L3MBTL4: variants seen among roughly 807,000 people sequenced by gnomAD.
L3MBTL4 encodes L3MBTL histone methyl-lysine binding protein 4, also known as lethal(3)malignant brain tumor-like protein 4.
Under a neutral mutation model 84.5 loss-of-function variants are expected in L3MBTL4, and 70 were observed. That is an observed-to-expected ratio of 0.83 (90% CI 0.68 to 1.01). L3MBTL4 has a LOEUF of 1.01. Ranked by LOEUF, L3MBTL4 falls within the 50% of genes least tolerant of loss-of-function variation. The pLI is 0.00. For synonymous variants in L3MBTL4, 274 were observed against 259.8 expected (o/e 1.05, Z -0.52); for missense variants, 715 against 754.8 (o/e 0.95, Z 0.62).
At chr18:6,102,822 CATTAAGAGAT>C (rs2058876374) in intron 14 of L3MBTL4, among the ~76,000 whole-genome samples, 1 of 152,156 alleles carries the variant, frequency 6.6e-6, no homozygotes, top group South Asian at 2.1e-4. Context: ...AATTGGTATG[CATTAAGAGAT>C]ACCCTTTAAT....
intron 14 of L3MBTL4, among the ~76,000 whole-genome samples, chr18:6,104,330 G>A (rs1452815419): frequency 6.6e-6 from 1 of 152,130 alleles, no homozygotes; most frequent in East Asian, 1.9e-4. Flanking sequence ...AATCTAAATG[G>A]CCATTGATGC....
chr18:6,411,804 C>T (rs1298895790), intron 1 of L3MBTL4, among the ~76,000 whole-genome samples: 1 of 152,216 alleles, frequency 6.6e-6, no homozygotes, highest in Non-Finnish European at 1.5e-5. Flanking sequence ...TCTCTCTCCA[C>T]TGAAAAGCCA....
chr18:6,200,070 G>A (rs1417461968), intron 12 of L3MBTL4, among the ~76,000 whole-genome samples: 1 of 152,176 alleles, frequency 6.6e-6, no homozygotes, highest in Non-Finnish European at 1.5e-5. Context: ...TGGTAAAGAA[G>A]AGGGGTTAAG....
intron 1 of L3MBTL4, among the ~76,000 whole-genome samples, chr18:6,364,573 T>C (rs1037453118): frequency 2.0e-5 from 3 of 152,122 alleles, no homozygotes; most frequent in Non-Finnish European, 4.4e-5. Context: ...ACTGGTAACA[T>C]TTCTTTTTAC....
intron 4 of L3MBTL4, among the ~76,000 whole-genome samples, chr18:6,277,379 A>C (rs1327924354): frequency 6.6e-6 from 1 of 152,200 alleles, no homozygotes; most frequent in Non-Finnish European, 1.5e-5. Context: ...AAGCATAACC[A>C]ATTAAATAAA....
intron 15 of L3MBTL4, among the ~76,000 whole-genome samples, chr18:6,084,333 A>G (rs2058184551): frequency 6.6e-6 from 1 of 152,202 alleles, no homozygotes; most frequent in South Asian, 2.1e-4. Context: ...TAGTTGTAGC[A>G]GAGACCTTTA....
At chr18:6,052,908 A>G (rs1269847168) in intron 16 of L3MBTL4, among the ~76,000 whole-genome samples, 1 of 152,238 alleles carries the variant, frequency 6.6e-6, no homozygotes, top group Non-Finnish European at 1.5e-5. Flanking sequence ...TCCCTAAACT[A>G]CAGTGCACAC....
At chr18:6,271,365 T>C (rs1008713451) in intron 4 of L3MBTL4, among the ~76,000 whole-genome samples, 1 of 152,162 alleles carries the variant, frequency 6.6e-6, no homozygotes, top group African/African-American at 2.4e-5. Flanking sequence ...ACACAATTTA[T>C]AAGTTGTCAA....
At chr18:6,398,058 C>T (rs982760013) in intron 1 of L3MBTL4, 1 of 151,940 alleles carries the variant, frequency 6.6e-6, no homozygotes, top group African/African-American at 2.4e-5. Flanking sequence ...TAAATGGTGG[C>T]TTGTTTGTTT....
intron 14 of L3MBTL4, among the ~76,000 whole-genome samples, chr18:6,132,270 G>A (rs1346048079): frequency 1.3e-5 from 2 of 152,130 alleles, no homozygotes; most frequent in East Asian, 1.9e-4. Flanking sequence ...ACGCAAGGTC[G>A]AGAAACATCC....
chr18:6,067,403 T>C (rs2057438398), intron 16 of L3MBTL4, among the ~76,000 whole-genome samples: 3 of 152,198 alleles, frequency 2.0e-5, no homozygotes, highest in Admixed American at 2.0e-4. Flanking sequence ...GTCTAAACAT[T>C]TAGACTTCTC....
At chr18:6,137,488 C>T (rs1245192790) in intron 14 of L3MBTL4, among the ~76,000 whole-genome samples, 1 of 152,104 alleles carries the variant, frequency 6.6e-6, no homozygotes. Context: ...TATTATATGA[C>T]TTATTCTTTT....
At chr18:6,334,742 T>C (rs2052241218) in intron 1 of L3MBTL4, among the ~76,000 whole-genome samples, 1 of 152,172 alleles carries the variant, frequency 6.6e-6, no homozygotes, top group Non-Finnish European at 1.5e-5. Context: ...AAAGATATAG[T>C]TTGTTTGGGG....
At chr18:6,212,871 G>A (rs974154064) in intron 12 of L3MBTL4, among the ~76,000 whole-genome samples, 8 of 152,138 alleles carry the variant, frequency 5.3e-5, no homozygotes, top group Non-Finnish European at 7.4e-5. Context: ...TAGAAATTAA[G>A]CCAGGGGCAG....
intron 12 of L3MBTL4, among the ~76,000 whole-genome samples, chr18:6,196,927 A>G (rs945931380): frequency 2.0e-5 from 3 of 152,302 alleles, no homozygotes; most frequent in Admixed American, 2.0e-4. Context: ...TCTCACTTGC[A>G]ACAGAAGAAC....
chr18:6,175,567 C>A (rs960431245), intron 12 of L3MBTL4, among the ~76,000 whole-genome samples: 3 of 152,012 alleles, frequency 2.0e-5, no homozygotes, highest in Admixed American at 2.0e-4. Context: ...ATTCATTACA[C>A]CACAGAAGAA....
intron 1 of L3MBTL4, among the ~76,000 whole-genome samples, chr18:6,340,620 C>A (rs2052561895): frequency 6.6e-6 from 1 of 152,180 alleles, no homozygotes; most frequent in Non-Finnish European, 1.5e-5. Context: ...CAGATCACAA[C>A]AGCCAGCCAT....
At chr18:5,998,164 C>T (rs2054061684) in intron 16 of L3MBTL4, among the ~76,000 whole-genome samples, 2 of 152,222 alleles carry the variant, frequency 1.3e-5, no homozygotes, top group South Asian at 2.1e-4. Flanking sequence ...AACTCTCATC[C>T]ATTAGGTGGC....
rs144461813 is a variant in L3MBTL4 at position 6,154,973 on chromosome 18, C to A, written c.1097-16677G>T. ...AATTACGGAAAATGTTCTTGTCAATCTAAAAAATATAAACTGCTCATTAAA... is the reference window on the plus strand; with the variant it reads ...AATTACGGAAAATGTTCTTGTCAATATAAAAAATATAAACTGCTCATTAAA... On this transcript the variant is annotated intron_variant, in intron 13 of 18. Coordinates refer to ENST00000317931, the MANE Select transcript of L3MBTL4 (RefSeq NM_001330559.2). Among the ~76,000 whole-genome samples, 961 of 152,246 alleles carry A rather than the reference C, an allele frequency of 6.3e-3. 3 individuals are homozygous for A. Among genetic ancestry groups the A allele is most frequent in the Middle Eastern group, 0.02 (6 of 294 alleles).
Sources: allele counts gnomAD v4.1 joint callset (sites outside exome capture counted in the v4.1 genomes callset), GRCh38; gene constraint gnomAD v4.1.1; transcripts MANE v1.5; gene names NCBI Gene and HGNC (gene_info 2026-07-23, HGNC 2026-07-21).